The following EXOC4 variants were observed in gnomAD, a reference collection of about 807,000 sequenced individuals.
The protein encoded by EXOC4 is exocyst complex component 4, also known as SEC8-like 1.
Under a neutral mutation model 107.2 loss-of-function variants are expected in EXOC4, and 71 were observed. That is an observed-to-expected ratio of 0.66 (90% CI 0.55 to 0.81). EXOC4 has a LOEUF of 0.81. Ranked by LOEUF, EXOC4 falls within the 30% of genes least tolerant of loss-of-function variation. The pLI, the probability that EXOC4 is intolerant of heterozygous loss-of-function variation, is 0.00. For missense variants in EXOC4, 1,108 were observed against 1,189.6 expected (o/e 0.93, Z 1.01); for synonymous variants, 456 against 441.2 (o/e 1.03, Z -0.42).
intron 10 of EXOC4, among the ~76,000 whole-genome samples, chr7:133,804,085 C>G (rs540392735): frequency 6.6e-6 from 1 of 152,202 alleles, no homozygotes; most frequent in African/African-American, 2.4e-5. Flanking sequence ...TACTGTCTTC[C>G]AAGTAGGAAA....
At chr7:134,092,297 GAAA>G in the EXOC4 span, among the ~76,000 whole-genome samples, 4 of 151,734 alleles carry the variant, frequency 2.6e-5, no homozygotes, top group Admixed American at 1.3e-4. Context: ...AAAATTTAAA[GAAA>G]AAAAGTCCAA....
rs145470794 is a variant in EXOC4, at chr7:133,311,968, C to G, written c.657-5316C>G. On this transcript the variant is annotated intron_variant, in intron 4 of 17. Coordinates refer to ENST00000253861, the MANE Select transcript of EXOC4 (RefSeq NM_021807.4). ...TATGATAGCAAAGATGGCGGAAATG[C>G]GTAGCTTTCTCTTGATGGTGGAATA... Among the ~76,000 whole-genome samples, 975 of 152,192 alleles carry G rather than the reference C, an allele frequency of 6.4e-3. 10 individuals are homozygous for G. Among genetic ancestry groups the G allele is most frequent in the African/African-American group, 0.022 (928 of 41,522 alleles).
At chr7:133,746,756 C>T (rs1401648850) in intron 10 of EXOC4, among the ~76,000 whole-genome samples, 1 of 152,092 alleles carries the variant, frequency 6.6e-6, no homozygotes, top group Non-Finnish European at 1.5e-5. Context: ...ATGCAGAAAC[C>T]TTCTCATCTG....
chr7:133,903,659 TG>T (rs1799505303), intron 12 of EXOC4, among the ~76,000 whole-genome samples: 1 of 152,068 alleles, frequency 6.6e-6, no homozygotes, highest in African/African-American at 2.4e-5. Flanking sequence ...GGGAGGGAGT[TG>T]GACATATGCA....
chr7:133,671,786 C>T (rs1458134068), intron 10 of EXOC4, among the ~76,000 whole-genome samples: 2 of 151,984 alleles, frequency 1.3e-5, no homozygotes, highest in African/African-American at 2.4e-5. Context: ...TCAAGCATAT[C>T]GCAAAGGTTT....
At chr7:133,666,465 C>T (rs915712439) in intron 10 of EXOC4, among the ~76,000 whole-genome samples, 2 of 152,086 alleles carry the variant, frequency 1.3e-5, no homozygotes, top group Admixed American at 1.3e-4. Context: ...TCTATACTCA[C>T]AATATATTGT....
At chr7:133,730,419 TTCA>T (rs932903204) in intron 10 of EXOC4, among the ~76,000 whole-genome samples, 1 of 151,912 alleles carries the variant, frequency 6.6e-6, no homozygotes, top group African/African-American at 2.4e-5. Flanking sequence ...GTTCTAAATT[TTCA>T]TTATTTCTTT....
At chr7:133,290,032 T>C (rs778996367) in intron 3 of EXOC4, among the ~76,000 whole-genome samples, 1 of 152,252 alleles carries the variant, frequency 6.6e-6, no homozygotes, top group Non-Finnish European at 1.5e-5. Context: ...TAAGTGGTTC[T>C]AATTCATTCA....
At chr7:133,597,610 G>A (rs1156306207) in intron 9 of EXOC4, among the ~76,000 whole-genome samples, 1 of 150,138 alleles carries the variant, frequency 6.7e-6, no homozygotes, top group Admixed American at 6.6e-5. Flanking sequence ...TGGAAAGTTA[G>A]GCTTCTTCTA....
At chr7:133,756,028 A>G (rs1246445478) in intron 10 of EXOC4, among the ~76,000 whole-genome samples, 2 of 152,198 alleles carry the variant, frequency 1.3e-5, no homozygotes, top group Non-Finnish European at 2.9e-5. Flanking sequence ...CTATCCCAAC[A>G]TAACTTCTTT....
chr7:133,561,892 C>T (rs772669987), intron 9 of EXOC4, among the ~76,000 whole-genome samples: 5 of 152,226 alleles, frequency 3.3e-5, no homozygotes, highest in South Asian at 2.1e-4. Flanking sequence ...TCCTGCCACC[C>T]GCCACCCAGA....
intron 9 of EXOC4, among the ~76,000 whole-genome samples, chr7:133,489,381 A>G (rs1213347154): frequency 6.6e-6 from 1 of 152,214 alleles, no homozygotes; most frequent in Non-Finnish European, 1.5e-5. Context: ...AGCTTTAGAG[A>G]CAAAACCATG....
chr7:133,462,272 C>A (rs1264493749), intron 7 of EXOC4, among the ~76,000 whole-genome samples: 1 of 152,088 alleles, frequency 6.6e-6, no homozygotes, highest in Non-Finnish European at 1.5e-5. Context: ...TCACAGGTTC[C>A]CTGTAACCTC....
chr7:133,688,433 G>A (rs960778228), intron 10 of EXOC4, among the ~76,000 whole-genome samples: 4 of 152,156 alleles, frequency 2.6e-5, no homozygotes, highest in Non-Finnish European at 2.9e-5. Flanking sequence ...CAGTGGATTA[G>A]CGATTTTACT....
intron 17 of EXOC4, among the ~76,000 whole-genome samples, chr7:134,060,236 G>A (rs550752413): frequency 5.3e-5 from 8 of 152,144 alleles, no homozygotes; most frequent in Non-Finnish European, 1.0e-4. Flanking sequence ...CTGCAAAAAG[G>A]CACACAGCAA....
At chr7:133,328,157 G>A (rs749586036) in intron 5 of EXOC4, among the ~76,000 whole-genome samples, 3 of 152,050 alleles carry the variant, frequency 2.0e-5, no homozygotes, top group Non-Finnish European at 4.4e-5. Context: ...AGCTCTTCTT[G>A]TTGAATTGAT....
intron 11 of EXOC4, among the ~76,000 whole-genome samples, chr7:133,823,872 T>TTA (rs1294402537): frequency 2.6e-3 from 30 of 11,590 alleles, no homozygotes; most frequent in Non-Finnish European, 3.3e-3. Flanking sequence ...TATATATATA[T>TTA]TATATATATA....
At chr7:134,051,109 A>C (rs2116578944) in intron 17 of EXOC4, among the ~76,000 whole-genome samples, 1 of 152,346 alleles carries the variant, frequency 6.6e-6, no homozygotes, top group East Asian at 1.9e-4. Flanking sequence ...GTTAAGCAAA[A>C]TTCAGTGGCT....
chr7:133,341,828 T>G (rs1795667447), intron 5 of EXOC4, among the ~76,000 whole-genome samples: 1 of 152,184 alleles, frequency 6.6e-6, no homozygotes, highest in South Asian at 2.1e-4. Context: ...TAAAGTTTGT[T>G]TTGTCTGATA....
Sources: allele counts gnomAD v4.1 joint callset (sites outside exome capture counted in the v4.1 genomes callset), GRCh38; gene constraint gnomAD v4.1.1; transcripts MANE v1.5; gene names NCBI Gene and HGNC (gene_info 2026-07-23, HGNC 2026-07-21).